Variants in GPC5 observed in about 807,000 individuals in gnomAD.
The protein encoded by GPC5 is glypican 5, also known as glypican-5.
In GPC5, 47 loss-of-function variants were observed where a neutral mutation model predicts 53.9. The observed-to-expected ratio is 0.87, with a 90% CI of 0.69 to 1.11. GPC5 has a LOEUF of 1.11. Among genes scored for constraint, GPC5 ranks in the 50% most tolerant of loss-of-function variants. The probability of loss-of-function intolerance (pLI) is 0.00; values close to 1 mark genes in which losing one functional copy is unlikely to be tolerated. For missense variants in GPC5, 748 were observed against 713.1 expected, an observed-to-expected ratio of 1.05 and a Z score of -0.56; for synonymous variants, 286 against 263.3, an observed-to-expected ratio of 1.09 and a Z score of -0.84.
intron 7 of GPC5, among the ~76,000 whole-genome samples, chr13:92,851,604 G>A (rs918744891): frequency 3.3e-5 from 5 of 151,888 alleles, no homozygotes; most frequent in South Asian, 4.2e-4. Flanking sequence ...TAAGCCGGTC[G>A]GGCACAGTGG....
At chr13:92,258,026 G>A (rs1017906514) in intron 7 of GPC5, among the ~76,000 whole-genome samples, 1 of 152,054 alleles carries the variant, frequency 6.6e-6, no homozygotes, top group Non-Finnish European at 1.5e-5. Context: ...AATTTATTAT[G>A]ATTACATTGC....
At chr13:91,731,857 G>A (rs981403758) in intron 4 of GPC5, among the ~76,000 whole-genome samples, 4 of 152,118 alleles carry the variant, frequency 2.6e-5, no homozygotes, top group African/African-American at 9.7e-5. Context: ...AAAAGGACAC[G>A]GTCTCATTCC....
intron 7 of GPC5, among the ~76,000 whole-genome samples, chr13:92,841,673 T>C (rs918087741): frequency 1.3e-5 from 2 of 152,180 alleles, no homozygotes; most frequent in African/African-American, 4.8e-5. Flanking sequence ...ATTTCCTGGG[T>C]TGTCTCATAA....
At chr13:92,130,786 G>A (rs1313239426) in intron 6 of GPC5, among the ~76,000 whole-genome samples, 6 of 151,776 alleles carry the variant, frequency 4.0e-5, no homozygotes, top group African/African-American at 1.5e-4. Flanking sequence ...TTATATTGTT[G>A]GAGAAGTGGA....
At chr13:92,613,330 A>AAAT (rs1555295273) in intron 7 of GPC5, among the ~76,000 whole-genome samples, 1 of 99,210 alleles carries the variant, frequency 1.0e-5, no homozygotes, top group African/African-American at 4.2e-5. Flanking sequence ...ATATTTATAT[A>AAAT]ATATAATATA....
At chr13:92,252,980 A>G (rs1396898052) in intron 7 of GPC5, among the ~76,000 whole-genome samples, 2 of 152,118 alleles carry the variant, frequency 1.3e-5, no homozygotes, top group Admixed American at 6.6e-5. Context: ...GTAGAAGTGC[A>G]ATGTGTCGAG....
intron 6 of GPC5, among the ~76,000 whole-genome samples, chr13:92,099,795 T>G (rs144809468): frequency 2.0e-5 from 3 of 152,324 alleles, no homozygotes; most frequent in Admixed American, 2.0e-4. Flanking sequence ...ACAGAACCCA[T>G]GACTTGTTTG....
At chr13:91,961,333 A>G (rs78094389) in intron 6 of GPC5, among the ~76,000 whole-genome samples, 3,586 of 152,064 alleles carry the variant, frequency 0.024, 142 homozygotes, top group African/African-American at 0.082. Context: ...AGATATTGTG[A>G]TTAGTGAAAG....
At chr13:91,889,828 G>A (rs2039365631) in intron 5 of GPC5, among the ~76,000 whole-genome samples, 1 of 152,140 alleles carries the variant, frequency 6.6e-6, no homozygotes, top group South Asian at 2.1e-4. Context: ...GAAGTTACAA[G>A]CATTAAGCAA....
At chr13:92,069,408 ATG>A (rs67467167) in intron 6 of GPC5, among the ~76,000 whole-genome samples, 14,525 of 142,964 alleles carry the variant, frequency 0.1, 1,304 homozygotes, top group African/African-American at 0.25. Context: ...GTGTGCGTGC[ATG>A]TGTGTGTGTG....
chr13:92,740,807 T>A (rs1889061494), intron 7 of GPC5, among the ~76,000 whole-genome samples: 1 of 150,978 alleles, frequency 6.6e-6, no homozygotes, highest in Non-Finnish European at 1.5e-5. Context: ...GTAGGATGAT[T>A]AGGAAAGAAA....
At chr13:91,856,040 G>A (rs890956169) in intron 5 of GPC5, among the ~76,000 whole-genome samples, 10 of 151,274 alleles carry the variant, frequency 6.6e-5, no homozygotes, top group African/African-American at 2.2e-4. Flanking sequence ...GTCTGTTCTT[G>A]GACTTCATAT....
chr13:92,496,326 A>G lies in GPC5; in HGVS notation c.1561+351337A>G, dbSNP rs570722756. The stretch of plus-strand genomic sequence containing the variant: ...ATAAAATGGCAAATTTTTAAATGGC[A>G]TTTAGATTCTAAAGCTGGAATTTTA... On this transcript the variant is annotated intron_variant, in intron 7 of 7. Transcript: ENST00000377067. Among the ~76,000 whole-genome samples the G allele has an allele frequency of 1.1e-3, 166 of 152,358 alleles. 1 individual carries two copies. Among genetic ancestry groups the G allele is most frequent in the African/African-American group, 3.9e-3 (163 of 41,594 alleles).
chr13:91,856,700 G>A (rs2138902569), intron 5 of GPC5, among the ~76,000 whole-genome samples: 1 of 151,070 alleles, frequency 6.6e-6, no homozygotes, highest in East Asian at 1.9e-4. Flanking sequence ...TCAGGTATAT[G>A]TATCTTGAAT....
At chr13:91,866,130 A>T (rs1401984177) in intron 5 of GPC5, among the ~76,000 whole-genome samples, 1 of 152,164 alleles carries the variant, frequency 6.6e-6, no homozygotes, top group Non-Finnish European at 1.5e-5. Context: ...AGCCTCCCAA[A>T]GTGCTGGGAT....
chr13:92,642,402 C>G (rs1055178414), intron 7 of GPC5, among the ~76,000 whole-genome samples: 2 of 152,190 alleles, frequency 1.3e-5, no homozygotes, highest in African/African-American at 4.8e-5. Context: ...GGGAATGCCT[C>G]AAAGCAGAAT....
At chr13:92,563,767 T>C (rs1882773528) in intron 7 of GPC5, among the ~76,000 whole-genome samples, 2 of 152,046 alleles carry the variant, frequency 1.3e-5, no homozygotes, top group Admixed American at 1.3e-4. Flanking sequence ...TCTGGTGATA[T>C]GGGATAGATA....
chr13:92,077,209 C>G (rs1005279921), intron 6 of GPC5, among the ~76,000 whole-genome samples: 15 of 152,198 alleles, frequency 9.9e-5, no homozygotes, highest in Non-Finnish European at 1.8e-4. Flanking sequence ...CCACCTTGGG[C>G]ACATGTTCTC....
At chr13:92,171,040 T>C (rs568687821) in intron 7 of GPC5, among the ~76,000 whole-genome samples, 1 of 152,286 alleles carries the variant, frequency 6.6e-6, no homozygotes, top group South Asian at 2.1e-4. Context: ...TCTATTCTTC[T>C]TAAATATTTT....
Sources: allele counts gnomAD v4.1 joint callset (sites outside exome capture counted in the v4.1 genomes callset), GRCh38; gene constraint gnomAD v4.1.1; transcripts MANE v1.5; gene names NCBI Gene and HGNC (gene_info 2026-07-23, HGNC 2026-07-21).